Variants in MAMDC4 observed in about 807,000 individuals in gnomAD.
MAMDC4 encodes the protein MAM domain containing 4, also known as apical endosomal glycoprotein.
MAMDC4 carries 168 observed loss-of-function variants against 153.3 expected under a neutral mutation model. The observed-to-expected ratio is 1.10, with a 90% confidence interval of 0.97 to 1.25. The LOEUF is 1.25. Ranked by LOEUF, MAMDC4 falls within the 50% of genes most tolerant of loss-of-function variation. The probability of loss-of-function intolerance (pLI) is 0.00; values close to 1 mark genes in which losing one functional copy is unlikely to be tolerated. For synonymous variants in MAMDC4, 744 were observed against 651.5 expected (o/e 1.14, Z -2.16); for missense variants, 1,701 against 1,542.8 (o/e 1.10, Z -1.72).
Position 136,853,437 on chromosome 9 carries a change from C to G in MAMDC4, c.307C>G (p.His103Asp). 2 of 1,602,220 alleles carry G rather than the reference C, an allele frequency of 1.2e-6. No individual in the cohort carries two copies. The highest frequency in any genetic ancestry group is 1.7e-6 in the Non-Finnish European group (2 of 1,172,424). Residue 103 changes from histidine (H) to aspartate (D), a missense_variant, in exon 3 of 27, where the codon CAC becomes GAC. Transcript: ENST00000317446. ...GGAGGGTCCTGGGCCTCACTCAGAC[C>G]ACACACTGGGCACCGACTTGGGTGA... Reference protein sequence around the residue: ...ALEGPGPHSDHTLGTDLGWYM... With the variant: ...ALEGPGPHSDDTLGTDLGWYM...
At position 136,858,195 on chromosome 9, in the gene MAMDC4, G is replaced by A; in HGVS notation, c.2593G>A (p.Glu865Lys). The change falls in exon 21 of 27, where the codon GAG becomes AAG. Residue 865 changes from glutamate to lysine, a missense_variant. Coordinates refer to ENST00000317446, the MANE Select transcript of MAMDC4 (RefSeq NM_206920.3). ...QAERAWRVVF[E>K]AVAAGVAHSY... ...GCCCTGCACCCGCCAGGTGGTGTTT[G>A]AGGCAGTGGCCGCAGGCGTGGCACA... The A allele has an allele frequency of 6.3e-7, 1 of 1,592,380 alleles. No individual in the cohort carries two copies. Among genetic ancestry groups the A allele is most frequent in the Non-Finnish European group, 8.5e-7 (1 of 1,174,010 alleles).
intron 1 of MAMDC4, 40 bp downstream of exon 1, chr9:136,852,502 C>T (rs1252603116): frequency 3.8e-6 from 6 of 1,598,268 alleles, no homozygotes; most frequent in African/African-American, 2.7e-5. Flanking sequence ...GGACCAGGGG[C>T]CCTGGCTTCT....
Position 136,856,009 on chromosome 9 carries a change from T to C in MAMDC4, c.1589-9T>C. 1 of 1,606,978 alleles carries C rather than the reference T, an allele frequency of 6.2e-7. No individual in the cohort carries two copies. Among genetic ancestry groups the C allele is most frequent in the Non-Finnish European group, 8.5e-7 (1 of 1,176,596 alleles). On this transcript the variant is annotated splice_polypyrimidine_tract_variant and intron_variant, in intron 13 of 26. Coordinates refer to ENST00000317446, the MANE Select transcript of MAMDC4 (RefSeq NM_206920.3). ...GGATGAGGCTCTGAGCACCATGCTC[T>C]TCCCCTAGGGCACTTCCTGTCTCTG... is the stretch of plus-strand genomic sequence containing the variant.
intron 19 of MAMDC4, 82 bp downstream of exon 19, chr9:136,857,878 G>A (rs928980868): frequency 1.3e-6 from 2 of 1,514,016 alleles, no homozygotes; most frequent in East Asian, 2.4e-5. Flanking sequence ...TGAGGCCACT[G>A]GGGAGCCTCT....
intron 26 of MAMDC4, 104 bp downstream of exon 26, chr9:136,860,168 T>C (rs993113264): frequency 2.1e-5 from 27 of 1,296,346 alleles, no homozygotes; most frequent in Non-Finnish European, 2.7e-5. Flanking sequence ...AGCCCCCACC[T>C]GTGCAAGGCC....
At position 136,856,735 on chromosome 9, in the gene MAMDC4, C is replaced by T. The variant is rs752337023; in HGVS notation, c.1746C>T (p.Asp582=). 1.9e-6 allele frequency: 3 copies of T among 1,612,668 alleles called. No individual in the cohort carries two copies. Among genetic ancestry groups the T allele is most frequent in the Non-Finnish European group, 2.5e-6 (3 of 1,179,890 alleles). ...PREVSCNFER[D]TCSWYPGHLS... ...AGGTCTCCTGTAACTTTGAGCGGGA[C>T]ACATGCAGCTGGTACCCAGGCCACC... Residue 582 remains aspartate (D), a synonymous_variant, in exon 15 of 27, where the codon GAC becomes GAT. Coordinates refer to ENST00000317446, the MANE Select transcript of MAMDC4 (RefSeq NM_206920.3).
At position 136,855,727 on chromosome 9, in the gene MAMDC4, T is replaced by G. The variant is rs1049507589; in HGVS notation, c.1472-5T>G. On this transcript the variant is annotated splice_region_variant and splice_polypyrimidine_tract_variant and intron_variant, in intron 12 of 26. Transcript: ENST00000317446. ...TCTGCCATTCAGTGCCGGCTGCTGT[T>G]CCAGGCACCACAGACTTTGAGTCCC... 6.3e-7 allele frequency: 1 copy of G among 1,576,166 alleles called. No individual in the cohort carries two copies. Among genetic ancestry groups the G allele is most frequent in the South Asian group, 1.2e-5 (1 of 85,988 alleles).
chr9:136,858,577 C>T, intron 22 of MAMDC4, 31 bp downstream of exon 22: 1 of 1,562,488 alleles, frequency 6.4e-7, no homozygotes. Context: ...GGTGGGGAGG[C>T]ACACACAGCC....
chr9:136,855,641 C>T (rs1177643100), intron 12 of MAMDC4, 22 bp downstream of exon 12: 2 of 1,567,484 alleles, frequency 1.3e-6, no homozygotes, highest in African/African-American at 1.3e-5. Context: ...CAACCTCCTG[C>T]AGACCTCCTG....
intron 11 of MAMDC4, 42 bp downstream of exon 11, chr9:136,855,380 A>G (rs771107105): frequency 5.0e-6 from 8 of 1,599,118 alleles, no homozygotes; most frequent in Non-Finnish European, 6.0e-6. Context: ...TGCCCTGGAG[A>G]GGCACAGCAC....
At position 136,853,116 on chromosome 9, in the gene MAMDC4, T is replaced by G. The variant is rs760503934; in HGVS notation, c.61T>G (p.Trp21Gly). The change falls in exon 2 of 27, where the codon TGG becomes GGG. Residue 21 changes from tryptophan (W) to glycine (G), a missense_variant. Coordinates refer to ENST00000317446, the MANE Select transcript of MAMDC4 (RefSeq NM_206920.3). The stretch of plus-strand genomic sequence containing the variant: ...CCTCCCAGCAGCAGGGTCCTCAGGC[T>G]GGGCCTGGGTCCCCAACCACTGCAG... ...LVLFLAGSSG[W>G]AWVPNHCRSP... is the part of the protein sequence containing the mutation. 5.6e-6 allele frequency: 9 copies of G among 1,612,582 alleles called. No homozygotes were observed. Among genetic ancestry groups the G allele is most frequent in the Non-Finnish European group, 7.6e-6 (9 of 1,179,838 alleles).
chr9:136,859,464 T>C, intron 25 of MAMDC4, 147 bp downstream of exon 25: 1 of 751,258 alleles, frequency 1.3e-6, no homozygotes, highest in Non-Finnish European at 2.1e-6. Flanking sequence ...GCCCAGGCCC[T>C]GTGCCCTCCT....
intron 25 of MAMDC4, 169 bp downstream of exon 25, chr9:136,859,486 G>A: frequency 1.5e-6 from 1 of 679,324 alleles, no homozygotes; most frequent in Non-Finnish European, 2.4e-6. Context: ...ACTCTGCCCT[G>A]CTCACCCCTG....
Position 136,858,907 on chromosome 9 carries a change from G to C in MAMDC4, c.2956+54G>C, listed in dbSNP as rs997019379. 1.9e-6 allele frequency: 3 copies of C among 1,569,356 alleles called. No homozygotes were observed. In the African/African-American group the frequency reaches 4.1e-5, roughly 21 times the overall value. On this transcript the variant is annotated intron_variant, in intron 23 of 26. Coordinates refer to ENST00000317446, the MANE Select transcript of MAMDC4 (RefSeq NM_206920.3). ...GGGCAACGGGGGCAGCAGGGGTCCA[G>C]GAGCAGAGGTGGGGAGGTGGCCTCC...
chr9:136,854,020 C>T lies in MAMDC4; in HGVS notation c.614C>T (p.Thr205Ile). ...ACCTTCTCTGCCACCCGAAATGCCACCCACAGGGGCGCTGTGGCTCTAGAT... is the reference window on the plus strand; with the variant it reads ...ACCTTCTCTGCCACCCGAAATGCCATCCACAGGGGCGCTGTGGCTCTAGAT... ...RVTFSATRNA[T>I]HRGAVALDDL... is the part of the protein sequence containing the mutation. Residue 205 changes from threonine (T) to isoleucine (I), a missense_variant, in exon 6 of 27, where the codon ACC (threonine) becomes ATC (isoleucine). Transcript: ENST00000317446. The T allele has an allele frequency of 6.2e-7, 1 of 1,612,960 alleles. No homozygotes were observed. Among genetic ancestry groups the T allele is most frequent in the Non-Finnish European group, 8.5e-7 (1 of 1,179,960 alleles).
rs1848963392 is a variant in MAMDC4 at position 136,853,838 on chromosome 9, C to CA, written c.517dup (p.Thr173AsnfsTer21). ...CAGAGACCCTGACCCTGTGGCAGAG[C>CA]ACAGGGCCCTGGGGCCCTGGCTGGC... On this transcript the variant is annotated frameshift_variant, in exon 5 of 27. Transcript: ENST00000317446. LOFTEE classifies it high-confidence loss of function. 6.4e-7 allele frequency: 1 copy of CA among 1,560,828 alleles called. No homozygotes were observed. The highest frequency in any genetic ancestry group is 8.8e-7 in the Non-Finnish European group (1 of 1,134,964).
At position 136,855,165 on chromosome 9, in the gene MAMDC4, G is replaced by A. The variant is rs921235493; in HGVS notation, c.1197+55G>A. Reference sequence around the variant, plus strand: ...GGAGCCGCACTGTGGGCAGGGGAGGGGAACCCACAAGGTACCCACTGCGGG... The same window carrying A: ...GGAGCCGCACTGTGGGCAGGGGAGGAGAACCCACAAGGTACCCACTGCGGG... On this transcript the variant is annotated intron_variant, in intron 10 of 26. Transcript: ENST00000317446. 39 of 1,569,692 alleles carry A rather than the reference G, an allele frequency of 2.5e-5. No homozygotes were observed. The African/African-American group carries it at 4.1e-4, about 16-fold the overall frequency.
chr9:136,860,709 T>C lies in MAMDC4; in HGVS notation c.*106T>C. The C allele has an allele frequency of 5.6e-6, 7 of 1,252,496 alleles. No homozygotes were observed. Among genetic ancestry groups the C allele is most frequent in the Non-Finnish European group, 8.1e-6 (7 of 866,010 alleles). The allele number at this position is 1,252,496 out of a possible 1,614,324, so 77.6% of individuals were successfully genotyped here. On this transcript the variant is annotated 3_prime_UTR_variant, in exon 27 of 27. Coordinates refer to ENST00000317446, the MANE Select transcript of MAMDC4 (RefSeq NM_206920.3). ...CGCCCAGGCTGGGACAGGCTGCAGG[T>C]CTCAGGATATGCTGAGGCCTGGGCG...
At chr9:136,860,528 G>T in intron 26 of MAMDC4, 34 bp from the exon 27 acceptor site, 1 of 1,598,680 alleles carries the variant, frequency 6.3e-7, no homozygotes, top group Non-Finnish European at 8.5e-7. Context: ...TCTCAGGAAA[G>T]AAAGAAAAAA....
Sources: allele counts gnomAD v4.1 joint callset, GRCh38; gene constraint gnomAD v4.1.1; transcripts MANE v1.5; gene names NCBI Gene and HGNC (gene_info 2026-07-23, HGNC 2026-07-21).